CTPS2: variants seen among roughly 807,000 people sequenced by gnomAD.
The protein encoded by CTPS2 is CTP synthase II.
A neutral mutation model predicts 46.8 loss-of-function variants in CTPS2; 19 were observed. That is an observed-to-expected ratio of 0.41 (90% CI 0.28 to 0.60). The LOEUF (loss-of-function observed/expected upper bound fraction) is 0.60. Ranked by LOEUF, CTPS2 falls within the 20% of genes least tolerant of loss-of-function variation. The probability of loss-of-function intolerance (pLI) is 0.35; values close to 1 mark genes in which losing one functional copy is unlikely to be tolerated. For synonymous variants in CTPS2, 151 were observed against 165.2 expected, an observed-to-expected ratio of 0.91 and a Z score of 0.66; for missense variants, 286 against 447.6, an observed-to-expected ratio of 0.64 and a Z score of 3.26.
intron 9 of CTPS2, among the ~76,000 whole-genome samples, chrX:16,680,547 C>A (rs1422721184): frequency 1.0e-4 from 10 of 100,121 alleles, no homozygotes; most frequent in Admixed American, 5.4e-4. Context: ...AGGGCGAGAC[C>A]CTGTCTCAAA....
intron 10 of CTPS2, among the ~76,000 whole-genome samples, chrX:16,675,217 A>C (rs1419117641): frequency 9.2e-6 from 1 of 108,488 alleles, no homozygotes; most frequent in Non-Finnish European, 1.9e-5. Flanking sequence ...GCAGTGAGCC[A>C]AGATTACACC....
chrX:16,657,189 C>CTTTTT (rs770294993), intron 13 of CTPS2, among the ~76,000 whole-genome samples: 1 of 84,645 alleles, frequency 1.2e-5, no homozygotes. Context: ...CATGCCCGGC[C>CTTTTT]TTTTTTTTTT....
chrX:16,639,090 T>C, intron 14 of CTPS2, 57 bp downstream of exon 14: 1 of 947,965 alleles, frequency 1.1e-6, no homozygotes, highest in Non-Finnish European at 1.5e-6. Flanking sequence ...GCTGGGCACC[T>C]GCAGTCACAT....
intron 10 of CTPS2, among the ~76,000 whole-genome samples, chrX:16,675,064 G>A (rs142867564): frequency 0.055 from 5,971 of 109,361 alleles, 407 homozygotes; most frequent in African/African-American, 0.19. Flanking sequence ...TCAGGAGTTC[G>A]AGACCAGCCT....
intron 13 of CTPS2, among the ~76,000 whole-genome samples, chrX:16,664,817 T>C (rs989556697): frequency 2.7e-5 from 3 of 111,723 alleles, no homozygotes; most frequent in African/African-American, 9.8e-5. Context: ...GGAGTGATAC[T>C]GGCACCTAGT....
At chrX:16,689,669 C>G (rs927695740) in intron 7 of CTPS2, 68 bp from the exon 8 acceptor site, 3 of 1,005,448 alleles carry the variant, frequency 3.0e-6, no homozygotes, top group Non-Finnish European at 4.1e-6. Context: ...AAGAATGAAA[C>G]AAAATTCAGC....
In CTPS2 at chrX:16,588,207, A is replaced by G. The variant is rs973255516; in HGVS notation, c.*1610T>C. The G allele has an allele frequency of 1.8e-5, 2 of 111,817 alleles. No individual in the cohort carries two copies. The highest frequency in any genetic ancestry group is 6.5e-5 in the African/African-American group (2 of 30,718). The allele number at this position is 111,817 out of a possible 1,213,427, so 9.2% of individuals were successfully genotyped here. On this transcript the variant is annotated 3_prime_UTR_variant, in exon 19 of 19. Coordinates refer to ENST00000359276, the MANE Select transcript of CTPS2 (RefSeq NM_175859.3). Reference sequence around the variant, plus strand: ...ACGCGAAGGGTAGAGGATATAGGTTAGCATCATCTGGTTGTGATGATCATC... The same window carrying G: ...ACGCGAAGGGTAGAGGATATAGGTTGGCATCATCTGGTTGTGATGATCATC...
chrX:16,703,094 T>A (rs1924709961), intron 1 of CTPS2, among the ~76,000 whole-genome samples, 153 bp from the exon 2 acceptor site: 1 of 106,778 alleles, frequency 9.4e-6, no homozygotes, highest in Non-Finnish European at 1.9e-5. Flanking sequence ...GGTGCAATCA[T>A]GGCTCACTGT....
chrX:16,605,994 A>G, intron 17 of CTPS2, among the ~76,000 whole-genome samples: 1 of 112,368 alleles, frequency 8.9e-6, no homozygotes, highest in East Asian at 2.8e-4. Context: ...CTGAGAATTT[A>G]GCTCACTAGC....
At chrX:16,607,681 G>GCACACCA (rs1930049266) in intron 17 of CTPS2, among the ~76,000 whole-genome samples, 1 of 112,981 alleles carries the variant, frequency 8.9e-6, no homozygotes, top group Non-Finnish European at 1.9e-5. Context: ...GCACACACGT[G>GCACACCA]CACACCACAC....
At chrX:16,681,315 G>A (rs1569227842) in intron 9 of CTPS2, among the ~76,000 whole-genome samples, 1 of 111,740 alleles carries the variant, frequency 8.9e-6, no homozygotes, top group East Asian at 2.8e-4. Flanking sequence ...GTGTCAAAGT[G>A]GAAGCCATTA....
chrX:16,611,532 A>G (rs1367458893), intron 16 of CTPS2, among the ~76,000 whole-genome samples: 1 of 110,916 alleles, frequency 9.0e-6, no homozygotes, highest in East Asian at 2.8e-4. Context: ...TAAAAAAAAA[A>G]AAAAAAAGCT....
At chrX:16,689,709 A>AAC (rs200998626) in intron 7 of CTPS2, 108 bp from the exon 8 acceptor site, 7 of 658,537 alleles carry the variant, frequency 1.1e-5, no homozygotes, top group East Asian at 3.4e-5. Context: ...ACACTGATAT[A>AAC]ACACACACAC....
chrX:16,658,419 G>T (rs1035444368), intron 13 of CTPS2, among the ~76,000 whole-genome samples: 6 of 112,011 alleles, frequency 5.4e-5, no homozygotes, highest in African/African-American at 1.6e-4. Context: ...CCATTGTGGG[G>T]CATTTAGATT....
In CTPS2 at chrX:16,679,571, T is replaced by C. The variant is rs759419004; in HGVS notation, c.1006-1121A>G. Among the ~76,000 whole-genome samples, 4 of 110,495 alleles carry C rather than the reference T, an allele frequency of 3.6e-5. No homozygotes were observed. The East Asian group carries it at 8.7e-4, about 24-fold the overall frequency. The stretch of plus-strand genomic sequence containing the variant: ...ACACAGACTTGACACTTGAAGCCAA[T>C]TGCAATGGTTTGAATGTCTGTGTTC... On this transcript the variant is annotated intron_variant, in intron 9 of 18. Transcript: ENST00000359276.
In CTPS2 at chrX:16,696,030, G is replaced by A. The variant is rs748179067; in HGVS notation, c.438+2206C>T. Among the ~76,000 whole-genome samples the A allele has an allele frequency of 2.7e-5, 3 of 111,568 alleles. No homozygotes were observed. In the South Asian group the frequency reaches 1.1e-3, roughly 42 times the overall value. ...CACACTTGGCTGAGTCTTCTTTTTT[G>A]GAAAATAAACAAGAAGAAAGAAAAC... On this transcript the variant is annotated intron_variant, in intron 4 of 18. Transcript: ENST00000359276.
chrX:16,602,329 G>A (rs1251056562), intron 17 of CTPS2, among the ~76,000 whole-genome samples: 2 of 110,378 alleles, frequency 1.8e-5, no homozygotes, highest in African/African-American at 3.3e-5. Context: ...TGCAGGGGAC[G>A]GGGGTAGCAT....
chrX:16,698,874 C>G (rs1005352704), intron 3 of CTPS2, 49 bp downstream of exon 3: 3 of 1,114,255 alleles, frequency 2.7e-6, no homozygotes, highest in Admixed American at 2.7e-5. Context: ...TTGAGCAGTA[C>G]AAAGATATTC....
At chrX:16,696,526 C>T (rs1360967873) in intron 4 of CTPS2, among the ~76,000 whole-genome samples, 1 of 111,239 alleles carries the variant, frequency 9.0e-6, no homozygotes, top group African/African-American at 3.3e-5. Flanking sequence ...CAAGTCAATT[C>T]AAGGGTAGAA....
Sources: allele counts gnomAD v4.1 joint callset (sites outside exome capture counted in the v4.1 genomes callset), GRCh38; gene constraint gnomAD v4.1.1; transcripts MANE v1.5; gene names NCBI Gene and HGNC (gene_info 2026-07-23, HGNC 2026-07-21).